The following PIK3C2G variants were observed in gnomAD, a reference collection of about 807,000 sequenced individuals.
The protein encoded by PIK3C2G is phosphatidylinositol-4-phosphate 3-kinase catalytic subunit type 2 gamma.
PIK3C2G carries 168 observed loss-of-function variants against 181.1 expected under a neutral mutation model. The ratio of observed to expected loss-of-function variants is 0.93; its 90% CI spans 0.82 to 1.05. The LOEUF (loss-of-function observed/expected upper bound fraction) is 1.05, where lower values mean the gene tolerates loss of function less well. Ranked by LOEUF, PIK3C2G falls within the 50% of genes least tolerant of loss-of-function variation. The pLI, the probability that PIK3C2G is intolerant of heterozygous loss-of-function variation, is 0.00. For synonymous variants in PIK3C2G, 573 were observed against 592.2 expected (o/e 0.97, Z 0.47); for missense variants, 1,869 against 1,732.8 (o/e 1.08, Z -1.40).
At chr12:18,614,150 T>C (rs1948482874) in intron 31 of PIK3C2G, among the ~76,000 whole-genome samples, 1 of 152,054 alleles carries the variant, frequency 6.6e-6, no homozygotes. Flanking sequence ...ATAACAATCG[T>C]CTTATCAAAT....
At chr12:18,453,162 G>A (rs1235892447) in intron 18 of PIK3C2G, among the ~76,000 whole-genome samples, 1 of 152,132 alleles carries the variant, frequency 6.6e-6, no homozygotes, top group Non-Finnish European at 1.5e-5. Context: ...ACAGTGGGGT[G>A]TTAAAGTCTC....
intron 2 of PIK3C2G, 150 bp downstream of exon 2, chr12:18,282,909 C>A: frequency 2.2e-6 from 1 of 460,726 alleles, no homozygotes; most frequent in Non-Finnish European, 3.7e-6. Flanking sequence ...ATGATGTGTT[C>A]TTGTATTAAT....
At chr12:18,555,618 A>T (rs1389476540) in intron 26 of PIK3C2G, among the ~76,000 whole-genome samples, 1 of 152,116 alleles carries the variant, frequency 6.6e-6, no homozygotes, top group Non-Finnish European at 1.5e-5. Flanking sequence ...AAGAAATTTT[A>T]TGCTTATTAT....
chr12:18,653,409 C>T (rs145575027), downstream of PIK3C2G, among the ~76,000 whole-genome samples: 2 of 152,234 alleles, frequency 1.3e-5, no homozygotes, highest in African/African-American at 2.4e-5. Flanking sequence ...ATCTTGAATA[C>T]TCTCAATGCA....
rs147439445 is a variant in PIK3C2G, at chr12:18,414,770, A to T, written c.2316-6171A>T. Reference sequence around the variant, plus strand: ...TTGACCTATATTGCCAACAAGTATGAAAGAGCCCATGTTGCAGGAACTTCA... The same window carrying T: ...TTGACCTATATTGCCAACAAGTATGTAAGAGCCCATGTTGCAGGAACTTCA... On this transcript the variant is annotated intron_variant, in intron 16 of 32. Transcript: ENST00000538779. Among the ~76,000 whole-genome samples the T allele has an allele frequency of 3.7e-3, 571 of 152,316 alleles. 2 individuals are homozygous for T. The highest frequency in any genetic ancestry group is 6.9e-3 in the Non-Finnish European group (466 of 68,016).
chr12:18,657,379 G>C, the PIK3C2G span, among the ~76,000 whole-genome samples: 1 of 152,142 alleles, frequency 6.6e-6, no homozygotes, highest in African/African-American at 2.4e-5. Flanking sequence ...AGAAGATCCA[G>C]AGCTCTTGTC....
Position 18,424,639 on chromosome 12 carries a change from C to A in PIK3C2G, c.2504+600C>A, listed in dbSNP as rs541670863. 2.4e-4 allele frequency: 46 copies of A among 189,494 alleles called. 1 individual carries two copies. In the South Asian group the frequency reaches 5.4e-3, roughly 22 times the overall value. The allele number at this position is 189,494 out of a possible 1,614,324, so 11.7% of individuals were successfully genotyped here. A position where few individuals can be genotyped will look rare whatever the true frequency, so the allele number is the denominator to read the frequency against. The stretch of plus-strand genomic sequence containing the variant: ...CAGAACTTAGCTTCTGTACATCAAC[C>A]CCACTATTCCTTCACACACCGAATT... On this transcript the variant is annotated intron_variant, in intron 18 of 32. Coordinates refer to ENST00000538779, the MANE Select transcript of PIK3C2G (RefSeq NM_001288772.2).
At chr12:18,605,405 C>G (rs1947964684) in intron 30 of PIK3C2G, among the ~76,000 whole-genome samples, 1 of 151,950 alleles carries the variant, frequency 6.6e-6, no homozygotes, top group South Asian at 2.1e-4. Flanking sequence ...AAATTACTGA[C>G]CAAAAATCCA....
intron 24 of PIK3C2G, among the ~76,000 whole-genome samples, chr12:18,533,965 T>C (rs866157775): frequency 1.7e-5 from 2 of 119,436 alleles, no homozygotes; most frequent in Middle Eastern, 8.3e-3. Flanking sequence ...TTTTTTTTTT[T>C]CTGAGACAGA....
At chr12:18,692,569 A>G in the PIK3C2G span, among the ~76,000 whole-genome samples, 1 of 152,182 alleles carries the variant, frequency 6.6e-6, no homozygotes, top group Non-Finnish European at 1.5e-5. Context: ...GTCTGGAGGA[A>G]AGGTGCTAGG....
chr12:18,726,463 T>A, the PIK3C2G span, among the ~76,000 whole-genome samples: 1 of 152,166 alleles, frequency 6.6e-6, no homozygotes, highest in African/African-American at 2.4e-5. Flanking sequence ...AAGGTAGACA[T>A]TTTATTCTTT....
intron 18 of PIK3C2G, among the ~76,000 whole-genome samples, chr12:18,464,302 T>G (rs1347169064): frequency 6.6e-6 from 1 of 152,092 alleles, no homozygotes; most frequent in Non-Finnish European, 1.5e-5. Context: ...CAAATCTCTT[T>G]TATAAGGGCA....
the PIK3C2G span, among the ~76,000 whole-genome samples, chr12:18,711,007 C>T: frequency 6.6e-6 from 1 of 151,982 alleles, no homozygotes; most frequent in South Asian, 2.1e-4. Context: ...CTAGAAATAC[C>T]ATTTGACCCA....
chr12:18,647,437 C>A (rs1950197323), intron 32 of PIK3C2G, among the ~76,000 whole-genome samples: 1 of 150,002 alleles, frequency 6.7e-6, no homozygotes, highest in Non-Finnish European at 1.5e-5. Context: ...ACATCTATTC[C>A]CCTGAATCTA....
intron 16 of PIK3C2G, among the ~76,000 whole-genome samples, chr12:18,402,895 A>G (rs1944329498): frequency 6.6e-6 from 1 of 152,158 alleles, no homozygotes; most frequent in Admixed American, 6.5e-5. Flanking sequence ...AACATCCATA[A>G]CAACCTTATG....
At chr12:18,638,308 C>A (rs750645341) in intron 31 of PIK3C2G, among the ~76,000 whole-genome samples, 1 of 152,116 alleles carries the variant, frequency 6.6e-6, no homozygotes, top group Non-Finnish European at 1.5e-5. Context: ...CAGAGCTGAT[C>A]CTCTCAGAGG....
intron 12 of PIK3C2G, among the ~76,000 whole-genome samples, chr12:18,366,654 T>C (rs1316861331): frequency 6.6e-6 from 1 of 152,140 alleles, no homozygotes; most frequent in East Asian, 1.9e-4. Flanking sequence ...TAAGAAAAAT[T>C]GTAGTGATTA....
At chr12:18,712,915 T>C in the PIK3C2G span, 1 of 1,613,958 alleles carries the variant, frequency 6.2e-7, no homozygotes, top group Non-Finnish European at 8.5e-7. Flanking sequence ...GTAGCCATGA[T>C]ATACAACAGG....
intron 16 of PIK3C2G, among the ~76,000 whole-genome samples, chr12:18,413,789 ATAAAGCAGGATAACCTGGCTTGT>A (rs1945009150): frequency 1.3e-5 from 2 of 152,154 alleles, no homozygotes; most frequent in Admixed American, 6.6e-5. Flanking sequence ...AGCAAATCTA[ATAAAGCAGGATAACCTGGCTTGT>A]GGAAAATTCA....
Sources: gnomAD v4.1 joint callset for allele counts (sites outside exome capture counted in the v4.1 genomes callset) on GRCh38, gnomAD v4.1.1 for gene constraint, MANE v1.5 for transcripts, NCBI Gene and HGNC (gene_info 2026-07-23, HGNC 2026-07-21) for gene names.